TMEM143: variants seen among roughly 807,000 people sequenced by gnomAD.
TMEM143 encodes transmembrane protein 143.
Under a neutral mutation model 40.3 loss-of-function variants are expected in TMEM143, and 45 were observed. That is an observed-to-expected ratio of 1.12 (90% CI 0.88 to 1.43). The LOEUF is 1.43. Among genes scored for constraint, TMEM143 ranks in the 40% most tolerant of loss-of-function variants. TMEM143 has a pLI of 0.00. For missense variants in TMEM143, 620 were observed against 613.4 expected (o/e 1.01, Z -0.11); for synonymous variants, 299 against 282.7 (o/e 1.06, Z -0.58).
intron 4 of TMEM143, among the ~76,000 whole-genome samples, 174 bp downstream of exon 4, chr19:48,344,986 G>T (rs1357212082): frequency 2.6e-5 from 4 of 152,242 alleles, no homozygotes; most frequent in Non-Finnish European, 4.4e-5. Context: ...GGGATTACAG[G>T]CTTGAGCCAC....
chr19:48,336,152 A>G (rs1044191332), intron 6 of TMEM143, among the ~76,000 whole-genome samples: 1 of 152,026 alleles, frequency 6.6e-6, no homozygotes, highest in Non-Finnish European at 1.5e-5. Flanking sequence ...GAGGATGAGG[A>G]GGGCAGATCA....
In TMEM143 at chr19:48,342,518, G is replaced by C; in HGVS notation, c.975+12C>G. ...CGCAGGGCCGCAGGAGGCGTGGCAG[G>C]CGCATGCTCACCTTGGAGGCCCGCA... On this transcript the variant is annotated intron_variant, in intron 6 of 7. Transcript: ENST00000293261. 6.3e-7 allele frequency: 1 copy of C among 1,594,688 alleles called. No homozygotes were observed.
chr19:48,340,342 G>A (rs1435438516), intron 6 of TMEM143, among the ~76,000 whole-genome samples: 2 of 150,904 alleles, frequency 1.3e-5, no homozygotes, highest in Non-Finnish European at 3.0e-5. Flanking sequence ...GGCCAGGCTG[G>A]TCTTGAACTC....
Position 48,343,457 on chromosome 19 carries a change from G to C in TMEM143, c.565-6C>G. 1.3e-6 allele frequency: 2 copies of C among 1,570,670 alleles called. No homozygotes were observed. The highest frequency in any genetic ancestry group is 8.6e-7 in the Non-Finnish European group (1 of 1,157,022). ...TGATCCAAATTTACTGTCACCTGCCGGGGGGATGAAGGAAGCAGTGGCGGG... is the reference window on the plus strand; with the variant it reads ...TGATCCAAATTTACTGTCACCTGCCCGGGGGATGAAGGAAGCAGTGGCGGG... On this transcript the variant is annotated splice_polypyrimidine_tract_variant and splice_region_variant and intron_variant, in intron 4 of 7. Coordinates refer to ENST00000293261, the MANE Select transcript of TMEM143 (RefSeq NM_018273.4).
rs1438580650 is a variant in TMEM143 at position 48,363,455 on chromosome 19, A to G, written c.100T>C (p.Leu34=). The change falls in exon 2 of 8, where the codon TTG becomes CTG. Residue 34 remains leucine, a synonymous_variant. Transcript: ENST00000293261. The part of the protein sequence containing the change: ...WGSRVRVWPL[L]PALLGPPRAL... ...CGGGGGGGCCCGAGGAGCGCGGGCA[A>G]CAGTGGCCATACTCGGACCCTGGAC... is the stretch of plus-strand genomic sequence containing the variant. 1.2e-6 allele frequency: 2 copies of G among 1,613,836 alleles called. No homozygotes were observed. Among genetic ancestry groups the G allele is most frequent in the Non-Finnish European group, 1.7e-6 (2 of 1,179,992 alleles).
chr19:48,359,170 G>A (rs997393964), intron 3 of TMEM143, among the ~76,000 whole-genome samples: 2 of 151,978 alleles, frequency 1.3e-5, no homozygotes, highest in Non-Finnish European at 1.5e-5. Context: ...AACTCCATCT[G>A]AGAAACAAAA....
Position 48,358,502 on chromosome 19 carries a change from G to A in TMEM143, c.369+1570C>T, listed in dbSNP as rs578104753. Among the ~76,000 whole-genome samples the A allele has an allele frequency of 4.0e-5, 6 of 151,744 alleles. No individual in the cohort carries two copies. The South Asian group carries it at 8.3e-4, about 21-fold the overall frequency. On this transcript the variant is annotated intron_variant, in intron 3 of 7. Transcript: ENST00000293261. ...CAGATCTTTCTCCCCATCCCACCAC[G>A]GTCTCCCCCATCCCAGTAAATGGCA...
Position 48,333,268 on chromosome 19 carries a change from G to C in TMEM143, c.1331C>G (p.Pro444Arg), listed in dbSNP as rs1386791104. ...GGCTTGCGGGGGCTCGGAAGTGATCGGAGCCACTGGGTCTAGTTTGGGGAA... is the reference window on the plus strand; with the variant it reads ...GGCTTGCGGGGGCTCGGAAGTGATCCGAGCCACTGGGTCTAGTTTGGGGAA... ...PGFPKLDPVA[P>R]ITSEPPQATP... Residue 444 changes from proline to arginine, a missense_variant, in exon 8 of 8, where the codon CCG becomes CGG. By Grantham distance (103) the Pro-to-Arg change is moderately radical. Coordinates refer to ENST00000293261, the MANE Select transcript of TMEM143 (RefSeq NM_018273.4). The surrounding 1 kb of genome is among the most constrained non-coding windows in gnomAD (Gnocchi z 4.1). 2 of 1,532,694 alleles carry C rather than the reference G, an allele frequency of 1.3e-6. No individual in the cohort carries two copies. The highest frequency in any genetic ancestry group is 2.7e-5 in the African/African-American group (2 of 73,264). The allele number at this position is 1,532,694 out of a possible 1,614,324, so 94.9% of individuals were successfully genotyped here. A position where few individuals can be genotyped will look rare whatever the true frequency, so the allele number is the denominator to read the frequency against.
In TMEM143 at chr19:48,363,432, G is replaced by C. The variant is rs1347594938; in HGVS notation, c.123C>G (p.Pro41=). The change falls in exon 2 of 8, where the codon CCC becomes CCG. Residue 41 remains proline (P), a synonymous_variant. Coordinates refer to ENST00000293261, the MANE Select transcript of TMEM143 (RefSeq NM_018273.4). ...WPLLPALLGP[P]RALSSLAAKM... The stretch of plus-strand genomic sequence containing the variant: ...TGGCTGCCAGCGATGAGAGGGCCCG[G>C]GGGGGCCCGAGGAGCGCGGGCAACA... The C allele has an allele frequency of 6.2e-7, 1 of 1,614,056 alleles. No homozygotes were observed. The highest frequency in any genetic ancestry group is 1.1e-5 in the South Asian group (1 of 91,086).
At chr19:48,345,713 T>C (rs923191063) in intron 3 of TMEM143, among the ~76,000 whole-genome samples, 1 of 151,914 alleles carries the variant, frequency 6.6e-6, no homozygotes. Context: ...TCAGGCAATA[T>C]GCCCGCCTCG....
At chr19:48,339,445 C>G (rs953901655) in intron 6 of TMEM143, among the ~76,000 whole-genome samples, 1 of 152,152 alleles carries the variant, frequency 6.6e-6, no homozygotes, top group East Asian at 1.9e-4. Context: ...CTCCGCATCC[C>G]GCACCTTGCT....
At chr19:48,339,483 C>G (rs1170874418) in intron 6 of TMEM143, among the ~76,000 whole-genome samples, 4 of 152,176 alleles carry the variant, frequency 2.6e-5, no homozygotes, top group African/African-American at 7.2e-5. Context: ...CGCAGTGGGG[C>G]TCTGAGTGCC....
intron 2 of TMEM143, among the ~76,000 whole-genome samples, chr19:48,361,269 G>A (rs1970034316): frequency 6.6e-6 from 1 of 151,620 alleles, no homozygotes; most frequent in South Asian, 2.1e-4. Context: ...GCCAAGGCTG[G>A]AGTGCAGCGG....
intron 3 of TMEM143, among the ~76,000 whole-genome samples, chr19:48,347,514 A>T (rs755730616): frequency 4.0e-5 from 6 of 150,562 alleles, no homozygotes; most frequent in Non-Finnish European, 8.9e-5. Flanking sequence ...GGAGTTTGAG[A>T]CCAGCCTTGG....
rs1291100915 is a variant in TMEM143, at chr19:48,332,863, C to G, written c.*356G>C. Reference sequence around the variant, plus strand: ...TAGTCTCGGGAGGGCGCAGCTTTAACTCTTCTACCTGGCGGTTTACAGAAG... The same window carrying G: ...TAGTCTCGGGAGGGCGCAGCTTTAAGTCTTCTACCTGGCGGTTTACAGAAG... On this transcript the variant is annotated 3_prime_UTR_variant, in exon 8 of 8. Coordinates refer to ENST00000293261, the MANE Select transcript of TMEM143 (RefSeq NM_018273.4). 3 of 178,772 alleles carry G rather than the reference C, an allele frequency of 1.7e-5. No homozygotes were observed. Among genetic ancestry groups the G allele is most frequent in the East Asian group, 1.5e-4 (1 of 6,798 alleles). 11.1% of individuals were successfully genotyped at this position (178,772 alleles called of 1,614,324 possible).
chr19:48,333,378 G>C lies in TMEM143; in HGVS notation c.1221C>G (p.Gly407=). 6.2e-7 allele frequency: 1 copy of C among 1,608,774 alleles called. No homozygotes were observed. Among genetic ancestry groups the C allele is most frequent in the Non-Finnish European group, 8.5e-7 (1 of 1,176,360 alleles). Residue 407 remains glycine, a synonymous_variant, in exon 8 of 8, where the codon GGC becomes GGG. Coordinates refer to ENST00000293261, the MANE Select transcript of TMEM143 (RefSeq NM_018273.4). This position sits in a 1 kb window ranked among gnomAD's most constrained non-coding sequence, Gnocchi z 4.1. The stretch of plus-strand genomic sequence containing the variant: ...GAGTTCCGTTGAAGGTCACCTCACA[G>C]CCTGACTTGGCTAGGAGCCAGTTCT... The part of the protein sequence containing the change: ...EVENWLLAKS[G]CEVTFNGTRA...
chr19:48,357,250 C>T (rs1361597005), intron 3 of TMEM143, among the ~76,000 whole-genome samples: 1 of 151,824 alleles, frequency 6.6e-6, no homozygotes. Flanking sequence ...AGTCACCGCG[C>T]CCGGCAGTAC....
chr19:48,346,162 G>A (rs186990992), intron 3 of TMEM143, among the ~76,000 whole-genome samples: 392 of 151,528 alleles, frequency 2.6e-3, no homozygotes, highest in Non-Finnish European at 4.8e-3. Flanking sequence ...TGCAATCTCA[G>A]CTCACTGCAA....
At chr19:48,352,424 C>A (rs1483410804) in intron 3 of TMEM143, among the ~76,000 whole-genome samples, 3 of 150,810 alleles carry the variant, frequency 2.0e-5, no homozygotes, top group South Asian at 2.1e-4. Context: ...CTGCCTCAGC[C>A]TCCCAAGTAG....
Sources: allele counts gnomAD v4.1 joint callset (sites outside exome capture counted in the v4.1 genomes callset), GRCh38; gene constraint gnomAD v4.1.1; non-coding constraint Gnocchi (gnomAD v3.1); transcripts MANE v1.5; gene names NCBI Gene and HGNC (gene_info 2026-07-23, HGNC 2026-07-21).